The following ZNF487 variants were observed in gnomAD, a reference collection of about 807,000 sequenced individuals.
ZNF487 encodes the protein KRAB domain only 1.
A neutral mutation model predicts 3.0 loss-of-function variants in ZNF487; 4 were observed. That is an observed-to-expected ratio of 1.35 (90% CI 0.66 to 3.08). The LOEUF (loss-of-function observed/expected upper bound fraction) is 3.08. ZNF487 is among the 30% of genes most tolerant of loss of function. ZNF487 has a pLI of 0.01. For synonymous variants in ZNF487, 55 were observed against 34.6 expected, an observed-to-expected ratio of 1.59 and a Z score of -2.06; for missense variants, 146 against 98.7, an observed-to-expected ratio of 1.48 and a Z score of -2.03.
At position 43,463,316 on chromosome 10, in the gene ZNF487, T is replaced by A. The variant is rs528665424; in HGVS notation, c.-93-12405T>A. 3.5e-3 allele frequency among the ~76,000 whole-genome samples: 532 copies of A among 152,068 alleles called. 1 individual carries two copies. Among genetic ancestry groups the A allele is most frequent in the Non-Finnish European group, 6.5e-3 (441 of 68,010 alleles). ...ACTTTGGGAAGCCGAGGCAGGTGGA[T>A]CACCTGAGGTCATTAGTTTGAGACC... is the stretch of plus-strand genomic sequence containing the variant. On this transcript the variant is annotated intron_variant, in intron 1 of 3. Transcript: ENST00000437590.
At chr10:43,476,367 A>G (rs192129064) in intron 3 of ZNF487, among the ~76,000 whole-genome samples, 165 bp downstream of exon 3, 1 of 152,286 alleles carries the variant, frequency 6.6e-6, no homozygotes, top group African/African-American at 2.4e-5. Flanking sequence ...TCAGATGTAT[A>G]TGTTATTACA....
At chr10:43,502,036 T>C in the ZNF487 span, among the ~76,000 whole-genome samples, 1 of 152,204 alleles carries the variant, frequency 6.6e-6, no homozygotes, top group East Asian at 1.9e-4. Context: ...TTACTGGGTA[T>C]ATACCCAAAG....
chr10:43,511,734 C>T, the ZNF487 span, among the ~76,000 whole-genome samples: 1,309 of 152,298 alleles, frequency 8.6e-3, 10 homozygotes, highest in Non-Finnish European at 0.014. Context: ...CATTAGGCGA[C>T]GACAGGGGTG....
intron 1 of ZNF487, among the ~76,000 whole-genome samples, chr10:43,473,697 C>T (rs540063791): frequency 2.0e-5 from 3 of 151,922 alleles, no homozygotes; most frequent in South Asian, 2.1e-4. Flanking sequence ...CAAACATCAA[C>T]TTACCTTCGC....
the ZNF487 span, among the ~76,000 whole-genome samples, chr10:43,518,666 A>G: frequency 1.3e-5 from 2 of 152,130 alleles, no homozygotes; most frequent in African/African-American, 4.8e-5. Flanking sequence ...CCTGGCACAC[A>G]ATTGTCCCAT....
the ZNF487 span, among the ~76,000 whole-genome samples, chr10:43,511,056 G>C: frequency 6.6e-6 from 1 of 152,248 alleles, no homozygotes; most frequent in South Asian, 2.1e-4. Flanking sequence ...GATGGTAACT[G>C]GTGCCACTTT....
rs113898079 is a variant in ZNF487 at position 43,464,182 on chromosome 10, CTTTTTTTTTT to C, written c.-93-11534_-93-11525del. ...AAATGCAAAGGAAAACTTTTTTTTT[CTTTTTTTTTT>C]TTTTGTTTTGAGACAACGTCTCACT... On this transcript the variant is annotated intron_variant, in intron 1 of 3. Transcript: ENST00000437590. 1.5e-3 allele frequency among the ~76,000 whole-genome samples: 208 copies of C among 140,052 alleles called. 1 individual carries two copies. The highest frequency in any genetic ancestry group is 3.7e-3 in the Middle Eastern group (1 of 268). 91.9% of individuals were successfully genotyped at this position (140,052 alleles called of 152,430 possible). A position where few individuals can be genotyped will look rare whatever the true frequency, so the allele number is the denominator to read the frequency against.
At chr10:43,495,936 C>T in the ZNF487 span, 1 of 465,942 alleles carries the variant, frequency 2.1e-6, no homozygotes, top group Admixed American at 2.3e-5. Flanking sequence ...CAATAGTGAA[C>T]ATGACAAGAT....
At chr10:43,492,994 G>C in the ZNF487 span, among the ~76,000 whole-genome samples, 2 of 152,144 alleles carry the variant, frequency 1.3e-5, no homozygotes, top group African/African-American at 4.8e-5. Context: ...ACTTTTGGAG[G>C]CCGAGGCAGG....
chr10:43,440,070 C>T (rs1474024411), intron 1 of ZNF487, among the ~76,000 whole-genome samples: 9 of 50,282 alleles, frequency 1.8e-4, no homozygotes, highest in Admixed American at 8.4e-4. Context: ...TTTTTTGAGG[C>T]GAAGTTTCAC....
intron 1 of ZNF487, chr10:43,453,308 C>A (rs1840066962): frequency 6.6e-6 from 1 of 152,176 alleles, no homozygotes; most frequent in Non-Finnish European, 1.5e-5. Context: ...ACATAAACAT[C>A]TCAAAGGGAC....
the ZNF487 span, among the ~76,000 whole-genome samples, chr10:43,506,935 G>T: frequency 1.3e-5 from 2 of 152,266 alleles, no homozygotes; most frequent in African/African-American, 4.8e-5. Context: ...AACTGTTCTT[G>T]GTGGATAACT....
intron 1 of ZNF487, among the ~76,000 whole-genome samples, chr10:43,472,109 G>A (rs988740665): frequency 6.6e-6 from 1 of 152,012 alleles, no homozygotes; most frequent in African/African-American, 2.4e-5. Flanking sequence ...GTCTGGCTGA[G>A]GCCTCTCCCT....
rs2132158849 is a variant in ZNF487, at chr10:43,482,125, C to T, written c.*203C>T. On this transcript the variant is annotated 3_prime_UTR_variant, in exon 4 of 4. Transcript: ENST00000437590. ...TGAGAATAGTTTTGGCAAGAAATCA[C>T]TCCTCATTCTACAAAGTTACAGAGG... The T allele has an allele frequency of 1.8e-6, 1 of 565,756 alleles. No individual in the cohort carries two copies. The highest frequency in any genetic ancestry group is 3.1e-6 in the Non-Finnish European group (1 of 321,054). 35.0% of individuals were successfully genotyped at this position (565,756 alleles called of 1,614,324 possible).
chr10:43,469,846 A>G (rs1270728826), intron 1 of ZNF487, among the ~76,000 whole-genome samples: 1 of 151,918 alleles, frequency 6.6e-6, no homozygotes, highest in Non-Finnish European at 1.5e-5. Flanking sequence ...GGTACTCAGG[A>G]GACTGAGGCA....
the ZNF487 span, among the ~76,000 whole-genome samples, chr10:43,507,802 G>A: frequency 9.2e-5 from 14 of 152,336 alleles, no homozygotes; most frequent in East Asian, 1.3e-3. Context: ...CTACAAGGTG[G>A]GCCATTGGGC....
intron 1 of ZNF487, among the ~76,000 whole-genome samples, chr10:43,438,770 A>G (rs1460640589): frequency 2.0e-5 from 3 of 152,162 alleles, no homozygotes; most frequent in Non-Finnish European, 4.4e-5. Flanking sequence ...ATACAATAGA[A>G]TATCATTCAG....
chr10:43,444,816 C>T (rs905468178), intron 1 of ZNF487, among the ~76,000 whole-genome samples: 3 of 152,128 alleles, frequency 2.0e-5, no homozygotes, highest in East Asian at 1.9e-4. Context: ...GATCCTCCTG[C>T]CTCGGCCTCC....
chr10:43,521,962 G>A, the ZNF487 span, among the ~76,000 whole-genome samples: 2 of 152,056 alleles, frequency 1.3e-5, no homozygotes, highest in African/African-American at 2.4e-5. Context: ...GAAATAAATT[G>A]ATAAATAGGG....
Sources: gnomAD v4.1 joint callset for allele counts (sites outside exome capture counted in the v4.1 genomes callset) on GRCh38, gnomAD v4.1.1 for gene constraint, MANE v1.5 for transcripts, NCBI Gene and HGNC (gene_info 2026-07-23, HGNC 2026-07-21) for gene names.